Variants in PPP1R26 observed in about 807,000 individuals in gnomAD.
The protein encoded by PPP1R26 is 1A6/DRIM (down-regulated in metastasis) interacting protein.
In PPP1R26, 22 loss-of-function variants were observed where a neutral mutation model predicts 67.6. The observed-to-expected ratio is 0.33, with a 90% CI of 0.23 to 0.46. The LOEUF is 0.46. PPP1R26 is among the 20% of genes least tolerant of loss of function. The probability of loss-of-function intolerance (pLI) is 1.00; values close to 1 mark genes in which losing one functional copy is unlikely to be tolerated. For missense variants in PPP1R26, 1,602 were observed against 1,651.4 expected (o/e 0.97, Z 0.52); for synonymous variants, 729 against 717.2 (o/e 1.02, Z -0.26).
Position 135,484,677 on chromosome 9 carries a change from G to T in PPP1R26, c.167G>T (p.Arg56Leu). 6.2e-7 allele frequency: 1 copy of T among 1,610,576 alleles called. No individual in the cohort carries two copies. The change falls in exon 4 of 4, where the codon CGC becomes CTC. Residue 56 changes from arginine (R) to leucine (L), a missense_variant. Physicochemically the swap from Arg to Leu is moderately radical, Grantham distance 102. Around this residue, in one of 5 missense-constraint regions of PPP1R26, gnomAD observed 168 missense variants for 176.1 expected, o/e 0.95. Coordinates refer to ENST00000356818, the MANE Select transcript of PPP1R26 (RefSeq NM_014811.5). ...CAGATGCTTATCAGCACTCTGCAGCGCGACGGGGCTGCTCGGGGCACCAGC... is the reference window on the plus strand; with the variant it reads ...CAGATGCTTATCAGCACTCTGCAGCTCGACGGGGCTGCTCGGGGCACCAGC... ...RVQMLISTLQRDGAARGTSDE... is the reference protein window; with the variant it reads ...RVQMLISTLQLDGAARGTSDE...
chr9:135,487,845 A>C lies in PPP1R26; in HGVS notation c.3335A>C (p.Gln1112Pro). The change falls in exon 4 of 4, where the codon CAG becomes CCG. Residue 1112 changes from glutamine to proline, a missense_variant. Physicochemically the swap from Gln to Pro is moderately conservative, Grantham distance 76. Around this residue, in one of 5 missense-constraint regions of PPP1R26, gnomAD observed 740 missense variants for 696.3 expected, o/e 1.06. Transcript: ENST00000356818. ...LFSPHLGLPL[Q>P]GPSFSAFREA... ...AGCCCCCACCTGGGGCTGCCTCTGC[A>C]GGGCCCCTCCTTCTCGGCCTTCAGG... 6.3e-7 allele frequency: 1 copy of C among 1,594,948 alleles called. No individual in the cohort carries two copies. The highest frequency in any genetic ancestry group is 8.5e-7 in the Non-Finnish European group (1 of 1,172,640).
chr9:135,487,853 T>G lies in PPP1R26; in HGVS notation c.3343T>G (p.Ser1115Ala). 1 of 1,593,792 alleles carries G rather than the reference T, an allele frequency of 6.3e-7. No individual in the cohort carries two copies. The highest frequency in any genetic ancestry group is 1.3e-5 in the African/African-American group (1 of 74,212). Residue 1115 changes from serine to alanine, a missense_variant, in exon 4 of 4, where the codon TCC becomes GCC. Transcript: ENST00000356818. ...PHLGLPLQGP[S>A]FSAFREAQAG... is the part of the protein sequence containing the mutation. ...CCTGGGGCTGCCTCTGCAGGGCCCC[T>G]CCTTCTCGGCCTTCAGGGAGGCCCA...
rs1335764492 is a variant in PPP1R26, at chr9:135,487,516, G to T, written c.3006G>T (p.Gly1002=). ...GAGGAACCTTTCACATGGGCTGCGG[G>T]AGCCCGAGCTTCCTGACCCCCAGCC... ...GARGTFHMGC[G]SPSFLTPSPG... is the part of the protein sequence containing the mutation. Residue 1002 remains glycine, a synonymous_variant, in exon 4 of 4, where the codon GGG becomes GGT. Coordinates refer to ENST00000356818, the MANE Select transcript of PPP1R26 (RefSeq NM_014811.5). 1 of 1,604,058 alleles carries T rather than the reference G, an allele frequency of 6.2e-7. No homozygotes were observed. The highest frequency in any genetic ancestry group is 8.5e-7 in the Non-Finnish European group (1 of 1,176,518).
In PPP1R26 at chr9:135,486,048, A is replaced by C. The variant is rs776045463; in HGVS notation, c.1538A>C (p.Tyr513Ser). 1 of 1,612,816 alleles carries C rather than the reference A, an allele frequency of 6.2e-7. No individual in the cohort carries two copies. The highest frequency in any genetic ancestry group is 8.5e-7 in the Non-Finnish European group (1 of 1,179,978). The change falls in exon 4 of 4, where the codon TAC becomes TCC. Residue 513 changes from tyrosine (Y) to serine (S), a missense_variant. Transcript: ENST00000356818. This position sits in a 1 kb window ranked among gnomAD's most constrained non-coding sequence, Gnocchi z 6.2. ...DGSLSASPLF[Y>S]SPNVPSRSDG... ...TCCCTGTCCGCAAGCCCACTCTTCT[A>C]CTCCCCGAACGTGCCTTCCCGCTCT...
At position 135,485,988 on chromosome 9, in the gene PPP1R26, C is replaced by T. The variant is rs771384231; in HGVS notation, c.1478C>T (p.Thr493Met). Residue 493 changes from threonine (T) to methionine (M), a missense_variant, in exon 4 of 4, where the codon ACG becomes ATG. Around this residue, in one of 5 missense-constraint regions of PPP1R26, gnomAD observed 680 missense variants for 726.1 expected, o/e 0.94. Coordinates refer to ENST00000356818, the MANE Select transcript of PPP1R26 (RefSeq NM_014811.5). The surrounding 1 kb of genome is among the most constrained non-coding windows in gnomAD (Gnocchi z 7.2). ...GAAGCAATCCTGGACATCTCCAAGA[C>T]GATCCTGCCGGCCCCTGTAGAGGGC... ...CAEAILDISK[T>M]ILPAPVEGSD... 1.7e-5 allele frequency: 28 copies of T among 1,613,046 alleles called. No individual in the cohort carries two copies. Among genetic ancestry groups the T allele is most frequent in the East Asian group, 4.5e-5 (2 of 44,896 alleles).
At chr9:135,484,142 G>A (rs1830617845) in intron 3 of PPP1R26, 60 bp downstream of exon 3, 1 of 424,700 alleles carries the variant, frequency 2.4e-6, no homozygotes, top group Admixed American at 3.9e-5. Context: ...GAAGGGAAGA[G>A]CGGGGAGGTG....
At chr9:135,481,236 G>T (rs141551193) in intron 1 of PPP1R26, among the ~76,000 whole-genome samples, 46 of 121,678 alleles carry the variant, frequency 3.8e-4, no homozygotes, top group Non-Finnish European at 4.3e-4. Flanking sequence ...GGCTTTTCTT[G>T]TTTTTTTTTT....
chr9:135,487,688 G>A lies in PPP1R26; in HGVS notation c.3178G>A (p.Asp1060Asn), dbSNP rs527958148. ...VWRGGVGSER[D>N]KGSEGPARGL... is the part of the protein sequence containing the mutation. ...GAGGGGGGGCGTCGGGAGCGAGAGAGACAAGGGGTCCGAGGGCCCCGCCCG... is the reference window on the plus strand; with the variant it reads ...GAGGGGGGGCGTCGGGAGCGAGAGAAACAAGGGGTCCGAGGGCCCCGCCCG... The change falls in exon 4 of 4, where the codon GAC becomes AAC. Residue 1060 changes from aspartate (D) to asparagine (N), a missense_variant. Coordinates refer to ENST00000356818, the MANE Select transcript of PPP1R26 (RefSeq NM_014811.5). 9 of 1,455,022 alleles carry A rather than the reference G, an allele frequency of 6.2e-6. No homozygotes were observed. In the South Asian group the frequency reaches 1.0e-4, roughly 16 times the overall value. The allele number at this position is 1,455,022 out of a possible 1,614,324, so 90.1% of individuals were successfully genotyped here.
rs1367705616 is a variant in PPP1R26 at position 135,488,329 on chromosome 9, C to G, written c.*189C>G. ...GTCCTGGTAAATATGATTTTTGTAG[C>G]TTTTTGTAAATTATTTAAAGTGATG... On this transcript the variant is annotated 3_prime_UTR_variant, in exon 4 of 4. Coordinates refer to ENST00000356818, the MANE Select transcript of PPP1R26 (RefSeq NM_014811.5). 9.2e-7 allele frequency: 1 copy of G among 1,086,608 alleles called. No homozygotes were observed. The highest frequency in any genetic ancestry group is 1.6e-5 in the African/African-American group (1 of 60,954). The allele number at this position is 1,086,608 out of a possible 1,614,324, so 67.3% of individuals were successfully genotyped here. A position where few individuals can be genotyped will look rare whatever the true frequency, so the allele number is the denominator to read the frequency against.
Position 135,485,884 on chromosome 9 carries a change from A to T in PPP1R26, c.1374A>T (p.Pro458=), listed in dbSNP as rs1484254057. Residue 458 remains proline, a synonymous_variant, in exon 4 of 4, where the codon CCA becomes CCT. Coordinates refer to ENST00000356818, the MANE Select transcript of PPP1R26 (RefSeq NM_014811.5). This position sits in a 1 kb window ranked among gnomAD's most constrained non-coding sequence, Gnocchi z 7.2. ...KLLKETKAPP[P]ASPASRSEFV... is the part of the protein sequence containing the mutation. ...TGAAGGAAACCAAAGCTCCACCTCCAGCGAGCCCTGCTTCCAGGAGTGAGT... is the reference window on the plus strand; with the variant it reads ...TGAAGGAAACCAAAGCTCCACCTCCTGCGAGCCCTGCTTCCAGGAGTGAGT... 5 of 1,613,376 alleles carry T rather than the reference A, an allele frequency of 3.1e-6. No individual in the cohort carries two copies. Among genetic ancestry groups the T allele is most frequent in the Non-Finnish European group, 4.2e-6 (5 of 1,180,020 alleles).
At position 135,484,454 on chromosome 9, in the gene PPP1R26, G is replaced by A; in HGVS notation, c.-57G>A. 1 of 1,432,186 alleles carries A rather than the reference G, an allele frequency of 7.0e-7. No homozygotes were observed. The highest frequency in any genetic ancestry group is 9.5e-7 in the Non-Finnish European group (1 of 1,056,826). The allele number at this position is 1,432,186 out of a possible 1,614,324, so 88.7% of individuals were successfully genotyped here. On this transcript the variant is annotated 5_prime_UTR_variant, in exon 4 of 4. The change abolishes the stop of an existing upstream ORF in the 5' untranslated region. Transcript: ENST00000356818. ...TGTGCTTTCTTTCCGCCCAGGATGTGAAGCCGGTAGAGAAATAAAGCATCG... is the reference window on the plus strand; with the variant it reads ...TGTGCTTTCTTTCCGCCCAGGATGTAAAGCCGGTAGAGAAATAAAGCATCG...
intron 1 of PPP1R26, among the ~76,000 whole-genome samples, chr9:135,481,743 C>T (rs566470764): frequency 6.6e-6 from 1 of 151,960 alleles, no homozygotes; most frequent in East Asian, 2.0e-4. Flanking sequence ...CTCAGCCTCC[C>T]CAGTAGCTGG....
In PPP1R26 at chr9:135,486,754, A is replaced by G. The variant is rs1588352897; in HGVS notation, c.2244A>G (p.Pro748=). The part of the protein sequence containing the change: ...LRRDWKDRGP[P]VLKSCLSKSK... Reference sequence around the variant, plus strand: ...GAGACTGGAAAGACAGGGGCCCGCCAGTGCTGAAGAGCTGCCTCTCCAAGT... The same window carrying G: ...GAGACTGGAAAGACAGGGGCCCGCCGGTGCTGAAGAGCTGCCTCTCCAAGT... Residue 748 remains proline (P), a synonymous_variant, in exon 4 of 4, where the codon CCA becomes CCG. Coordinates refer to ENST00000356818, the MANE Select transcript of PPP1R26 (RefSeq NM_014811.5). The surrounding 1 kb of genome is among the most constrained non-coding windows in gnomAD (Gnocchi z 6.2). 1.3e-6 allele frequency: 2 copies of G among 1,576,934 alleles called. No homozygotes were observed. The highest frequency in any genetic ancestry group is 1.9e-5 in the Admixed American group (1 of 52,998).
Position 135,485,154 on chromosome 9 carries a change from G to GGGC in PPP1R26, c.644_645insGGC (p.Ser215delinsArgAla). ...GACCAGGGCTCCGCCTCCCCGGTCA[G>GGGC]TGTGAGCAGCGATGACTCCTTCGAG... On this transcript the variant is annotated protein_altering_variant, in exon 4 of 4. Transcript: ENST00000356818. This position sits in a 1 kb window ranked among gnomAD's most constrained non-coding sequence, Gnocchi z 7.2. 1 of 1,612,942 alleles carries GGGC rather than the reference G, an allele frequency of 6.2e-7. No individual in the cohort carries two copies. The highest frequency in any genetic ancestry group is 2.2e-5 in the East Asian group (1 of 44,892).
In PPP1R26 at chr9:135,486,352, G is replaced by A. The variant is rs1241090353; in HGVS notation, c.1842G>A (p.Val614=). 2.5e-6 allele frequency: 4 copies of A among 1,613,160 alleles called. No homozygotes were observed. In the East Asian group the frequency reaches 6.7e-5, roughly 27 times the overall value. The change falls in exon 4 of 4, where the codon GTG becomes GTA. Residue 614 remains valine, a synonymous_variant. Transcript: ENST00000356818. This position sits in a 1 kb window ranked among gnomAD's most constrained non-coding sequence, Gnocchi z 6.2. ...PSTPKKMQEV[V]KDGSQDADHS... The stretch of plus-strand genomic sequence containing the variant: ...CGCCCAAGAAAATGCAGGAGGTGGT[G>A]AAAGACGGTAGCCAGGATGCCGACC...
chr9:135,480,991 T>C (rs995333068), intron 1 of PPP1R26, among the ~76,000 whole-genome samples: 17 of 152,170 alleles, frequency 1.1e-4, no homozygotes, highest in African/African-American at 3.9e-4. Context: ...GGCAGACTGT[T>C]AGGATGGCGA....
At position 135,486,512 on chromosome 9, in the gene PPP1R26, A is replaced by T. The variant is rs1243126785; in HGVS notation, c.2002A>T (p.Thr668Ser). 14 of 1,612,732 alleles carry T rather than the reference A, an allele frequency of 8.7e-6. No individual in the cohort carries two copies. Among genetic ancestry groups the T allele is most frequent in the Non-Finnish European group, 1.2e-5 (14 of 1,179,964 alleles). The change falls in exon 4 of 4, where the codon ACA becomes TCA. Residue 668 changes from threonine (T) to serine (S), a missense_variant. Around this residue, in one of 5 missense-constraint regions of PPP1R26, gnomAD observed 680 missense variants for 726.1 expected, o/e 0.94. Transcript: ENST00000356818. This position sits in a 1 kb window ranked among gnomAD's most constrained non-coding sequence, Gnocchi z 6.2. ...DTRMSQGQGK[T>S]DEARRLDEKE... ...TCGCATGTCACAGGGCCAGGGTAAG[A>T]CAGACGAGGCAAGGCGCCTAGACGA...
In PPP1R26 at chr9:135,485,090, T is replaced by G; in HGVS notation, c.580T>G (p.Ser194Ala). The G allele has an allele frequency of 2.5e-6, 4 of 1,611,786 alleles. No homozygotes were observed. The highest frequency in any genetic ancestry group is 3.4e-6 in the Non-Finnish European group (4 of 1,179,510). The change falls in exon 4 of 4, where the codon TCA becomes GCA. Residue 194 changes from serine (S) to alanine (A), a missense_variant. Ser to Ala is a moderately conservative substitution (Grantham distance 99, BLOSUM62 1). Around this residue, in one of 5 missense-constraint regions of PPP1R26, gnomAD observed 680 missense variants for 726.1 expected, o/e 0.94. Coordinates refer to ENST00000356818, the MANE Select transcript of PPP1R26 (RefSeq NM_014811.5). This position sits in a 1 kb window ranked among gnomAD's most constrained non-coding sequence, Gnocchi z 7.2. ...GTGTCCCCCAAAACTTGTACCTGGA[T>G]CAGGTGGTGGCCCCGGCAGCCAGGT... ...ALCPPKLVPG[S>A]GGGPGSQVGS...
Position 135,484,629 on chromosome 9 carries a change from G to C in PPP1R26, c.119G>C (p.Ser40Thr), listed in dbSNP as rs750038467. The C allele has an allele frequency of 1.2e-6, 2 of 1,611,822 alleles. No individual in the cohort carries two copies. The highest frequency in any genetic ancestry group is 2.2e-5 in the South Asian group (2 of 91,070). ...CFSEADEGVE[S>T]ASVSARVQML... is the part of the protein sequence containing the mutation. Reference sequence around the variant, plus strand: ...TCGGAGGCTGACGAGGGCGTGGAGAGCGCGTCGGTGAGCGCCCGGGTGCAG... The same window carrying C: ...TCGGAGGCTGACGAGGGCGTGGAGACCGCGTCGGTGAGCGCCCGGGTGCAG... Residue 40 changes from serine to threonine, a missense_variant, in exon 4 of 4, where the codon AGC becomes ACC. Ser to Thr is a moderately conservative substitution (Grantham distance 58, BLOSUM62 1). Transcript: ENST00000356818.
Sources: allele counts gnomAD v4.1 joint callset (sites outside exome capture counted in the v4.1 genomes callset), GRCh38; gene constraint gnomAD v4.1.1; regional missense constraint gnomAD v4.1.1; non-coding constraint Gnocchi (gnomAD v3.1); transcripts MANE v1.5; gene names NCBI Gene and HGNC (gene_info 2026-07-23, HGNC 2026-07-21).